Variants in DLGAP1 observed in about 807,000 individuals in gnomAD.
DLGAP1 encodes disks large-associated protein 1.
Under a neutral mutation model 90.8 loss-of-function variants are expected in DLGAP1, and 11 were observed. That is an observed-to-expected ratio of 0.12 (90% confidence interval 0.08 to 0.20). The LOEUF is 0.20. Among genes scored for constraint, DLGAP1 ranks in the 10% least tolerant of loss-of-function variants. The probability of loss-of-function intolerance (pLI) is 1.00; values close to 1 mark genes in which losing one functional copy is unlikely to be tolerated. For missense variants in DLGAP1, 1,050 were observed against 1,333.8 expected, an observed-to-expected ratio of 0.79 and a Z score of 3.31; for synonymous variants, 558 against 540.7, an observed-to-expected ratio of 1.03 and a Z score of -0.44.
chr18:3,869,436 G>T (rs144666335), intron 4 of DLGAP1, among the ~76,000 whole-genome samples: 2 of 152,134 alleles, frequency 1.3e-5, no homozygotes, highest in Non-Finnish European at 2.9e-5. Context: ...TGAGTCTGTA[G>T]TCCCAGCTAC....
chr18:3,950,026 G>A (rs1009541293), intron 3 of DLGAP1, among the ~76,000 whole-genome samples: 2 of 152,176 alleles, frequency 1.3e-5, no homozygotes, highest in Non-Finnish European at 2.9e-5. Flanking sequence ...GGCACAGTGA[G>A]AAGTGAGTTC....
At chr18:3,512,780 C>G (rs2050617624) in intron 10 of DLGAP1, among the ~76,000 whole-genome samples, 1 of 152,230 alleles carries the variant, frequency 6.6e-6, no homozygotes, top group African/African-American at 2.4e-5. Flanking sequence ...TATTTGGGCT[C>G]TCTTCTCTCT....
intron 3 of DLGAP1, among the ~76,000 whole-genome samples, chr18:3,900,323 G>A (rs2071752991): frequency 6.6e-6 from 1 of 152,184 alleles, no homozygotes; most frequent in Non-Finnish European, 1.5e-5. Context: ...TTTCTCATCA[G>A]CTCCCTCCTC....
chr18:3,825,953 G>A (rs552481382), intron 4 of DLGAP1, among the ~76,000 whole-genome samples: 2 of 152,194 alleles, frequency 1.3e-5, no homozygotes, highest in South Asian at 2.1e-4. Context: ...CATAAAAAAA[G>A]AACAAAATCA....
chr18:3,677,581 A>G (rs940198603), intron 7 of DLGAP1, among the ~76,000 whole-genome samples: 4 of 152,232 alleles, frequency 2.6e-5, no homozygotes, highest in Non-Finnish European at 5.9e-5. Flanking sequence ...ACAGAGATCC[A>G]TGTTTCTAGC....
chr18:3,700,458 A>G (rs342499), intron 7 of DLGAP1, among the ~76,000 whole-genome samples: 47,129 of 151,898 alleles, frequency 0.31, 7,455 homozygotes, highest in African/African-American at 0.35. Flanking sequence ...TATACCCACT[A>G]TCTAACCAGT....
intron 7 of DLGAP1, among the ~76,000 whole-genome samples, chr18:3,604,958 G>A (rs1472040744): frequency 6.6e-6 from 1 of 152,188 alleles, no homozygotes. Context: ...AATGCATTTT[G>A]TAGGTCAAAA....
chr18:3,720,896 A>AAAAAAAAAAAAG (rs2061955117), intron 7 of DLGAP1, among the ~76,000 whole-genome samples: 2 of 125,796 alleles, frequency 1.6e-5, no homozygotes, highest in East Asian at 2.2e-4. Flanking sequence ...TACAAAAAAA[A>AAAAAAAAAAAAG]AAAAAAAAAA....
chr18:4,038,561 T>C (rs952767427), intron 2 of DLGAP1, among the ~76,000 whole-genome samples: 2 of 152,092 alleles, frequency 1.3e-5, no homozygotes, highest in Non-Finnish European at 2.9e-5. Flanking sequence ...TCATTCTCTT[T>C]AGTATGAGGT....
intron 5 of DLGAP1, among the ~76,000 whole-genome samples, chr18:3,792,098 G>GC (rs752265850): frequency 4.8e-4 from 73 of 152,258 alleles, no homozygotes; most frequent in Non-Finnish European, 5.9e-4. Context: ...GAAGCCCTAT[G>GC]CCCCAGCCCT....
At chr18:4,432,497 TTATA>T (rs1258001170) in intron 1 of DLGAP1, among the ~76,000 whole-genome samples, 58 of 126,460 alleles carry the variant, frequency 4.6e-4, no homozygotes, top group Non-Finnish European at 8.1e-4. Context: ...TTTTTAAAAA[TTATA>T]TATATTTACA....
At chr18:3,713,561 G>A (rs1241459822) in intron 7 of DLGAP1, among the ~76,000 whole-genome samples, 1 of 152,204 alleles carries the variant, frequency 6.6e-6, no homozygotes, top group Admixed American at 6.5e-5. Flanking sequence ...AAGGCATATG[G>A]TATAAGATAG....
chr18:3,784,627 C>T (rs7230741), intron 5 of DLGAP1, among the ~76,000 whole-genome samples: 29,559 of 152,072 alleles, frequency 0.19, 2,973 homozygotes, highest in Admixed American at 0.23. Flanking sequence ...GCTCTGCGCC[C>T]GCGATGCTCC....
intron 2 of DLGAP1, among the ~76,000 whole-genome samples, chr18:4,142,923 C>T (rs930403774): frequency 2.0e-5 from 3 of 152,048 alleles, no homozygotes; most frequent in African/African-American, 7.3e-5. Flanking sequence ...TCTAGATTGC[C>T]AGGCAAAGAC....
chr18:4,261,845 C>T (rs944228677), intron 1 of DLGAP1, among the ~76,000 whole-genome samples: 16 of 152,018 alleles, frequency 1.1e-4, no homozygotes, highest in African/African-American at 3.9e-4. Context: ...CAGTAAAGCT[C>T]AGTGAGCTAG....
chr18:3,513,140 C>T lies in DLGAP1; in HGVS notation c.2480-4479G>A, dbSNP rs995030310. The stretch of plus-strand genomic sequence containing the variant: ...TCATGCAGCATTTGTTCTCCAGTGA[C>T]TGGCTTATTCCACTTAGCATATAGT... On this transcript the variant is annotated intron_variant, in intron 10 of 12. Transcript: ENST00000315677. Among the ~76,000 whole-genome samples the T allele has an allele frequency of 2.6e-5, 4 of 152,174 alleles. No homozygotes were observed. The East Asian group carries it at 5.8e-4, about 22-fold the overall frequency.
At chr18:3,858,238 C>T (rs940054620) in intron 4 of DLGAP1, among the ~76,000 whole-genome samples, 30 of 152,004 alleles carry the variant, frequency 2.0e-4, no homozygotes, top group African/African-American at 7.3e-4. Context: ...TTCCAGACAC[C>T]TCAGTAGTTC....
chr18:4,215,548 G>A (rs4797154), intron 1 of DLGAP1, among the ~76,000 whole-genome samples: 3,541 of 152,184 alleles, frequency 0.023, 48 homozygotes, highest in Non-Finnish European at 0.034. Context: ...AATACTCTTG[G>A]AAGGACAGTA....
At chr18:4,273,776 G>C (rs898213803) in intron 1 of DLGAP1, among the ~76,000 whole-genome samples, 1 of 152,184 alleles carries the variant, frequency 6.6e-6, no homozygotes, top group Non-Finnish European at 1.5e-5. Flanking sequence ...GGAGTCCAAC[G>C]TCATCCACTT....
Sources: allele counts gnomAD v4.1 joint callset (sites outside exome capture counted in the v4.1 genomes callset), GRCh38; gene constraint gnomAD v4.1.1; transcripts MANE v1.5; gene names NCBI Gene and HGNC (gene_info 2026-07-23, HGNC 2026-07-21).